The following HHIPL2 variants were observed in gnomAD, a reference collection of about 807,000 sequenced individuals.
HHIPL2 encodes HHIP like 2, also known as HHIP-like protein 2.
HHIPL2 carries 61 observed loss-of-function variants against 61.0 expected under a neutral mutation model. The observed-to-expected ratio is 1.00, with a 90% CI of 0.81 to 1.24. The LOEUF (loss-of-function observed/expected upper bound fraction) is 1.24. Ranked by LOEUF, HHIPL2 falls within the 50% of genes most tolerant of loss-of-function variation. HHIPL2 has a pLI of 0.00. For synonymous variants in HHIPL2, 343 were observed against 357.4 expected, an observed-to-expected ratio of 0.96 and a Z score of 0.45; for missense variants, 885 against 910.2, an observed-to-expected ratio of 0.97 and a Z score of 0.36.
intron 1 of HHIPL2, among the ~76,000 whole-genome samples, chr1:222,544,548 G>A (rs1659516339): frequency 6.6e-6 from 1 of 151,650 alleles, no homozygotes; most frequent in Non-Finnish European, 1.5e-5. Flanking sequence ...ATTTTTCATA[G>A]AAACGGCCTC....
chr1:222,533,391 A>G (rs1377470359), intron 5 of HHIPL2, among the ~76,000 whole-genome samples: 1 of 151,666 alleles, frequency 6.6e-6, no homozygotes, highest in Non-Finnish European at 1.5e-5. Flanking sequence ...AAAAGAAAAG[A>G]AAAGGAAAAA....
intron 5 of HHIPL2, among the ~76,000 whole-genome samples, chr1:222,534,418 A>C (rs1190390363): frequency 2.0e-5 from 3 of 152,142 alleles, no homozygotes; most frequent in Non-Finnish European, 2.9e-5. Context: ...CTCTACTAAA[A>C]ATACAAAAAT....
intron 6 of HHIPL2, among the ~76,000 whole-genome samples, 179 bp downstream of exon 6, chr1:222,531,787 T>C (rs139403273): frequency 5.9e-5 from 9 of 152,234 alleles, no homozygotes; most frequent in Non-Finnish European, 1.2e-4. Context: ...GTTATGATTA[T>C]GAAATAAGGT....
intron 2 of HHIPL2, 41 bp downstream of exon 2, chr1:222,543,496 G>T: frequency 6.5e-7 from 1 of 1,548,660 alleles, no homozygotes; most frequent in South Asian, 1.2e-5. Flanking sequence ...GCATTATTTC[G>T]GAACACAGTA....
rs1353242847 is a variant in HHIPL2 at position 222,543,871 on chromosome 1, T to C, written c.640A>G (p.Asn214Asp). Residue 214 changes from asparagine to aspartate, a missense_variant, in exon 2 of 9, where the codon AAC (asparagine) becomes GAC (aspartate). Coordinates refer to ENST00000343410, the MANE Select transcript of HHIPL2 (RefSeq NM_024746.4). ...CLQLCLSEVA[N>D]GLRNPVSMVH... Reference sequence around the variant, plus strand: ...ATGGAGACGGGGTTCCTCAGCCCGTTGGCCACCTCGCTCAGGCAGAGCTGC... The same window carrying C: ...ATGGAGACGGGGTTCCTCAGCCCGTCGGCCACCTCGCTCAGGCAGAGCTGC... 5 of 1,614,050 alleles carry C rather than the reference T, an allele frequency of 3.1e-6. No individual in the cohort carries two copies. In the Admixed American group the frequency reaches 8.3e-5, roughly 27 times the overall value.
chr1:222,527,147 C>A, intron 6 of HHIPL2, 97 bp from the exon 7 acceptor site: 1 of 917,902 alleles, frequency 1.1e-6, no homozygotes, highest in Non-Finnish European at 1.7e-6. Context: ...AGGTTATGGC[C>A]CTAAAATGCA....
rs1659589334 is a variant in HHIPL2 at position 222,547,869 on chromosome 1, T to G, written c.176A>C (p.Glu59Ala). Residue 59 changes from glutamate (E) to alanine (A), a missense_variant, in exon 1 of 9, where the codon GAG becomes GCG. Coordinates refer to ENST00000343410, the MANE Select transcript of HHIPL2 (RefSeq NM_024746.4). ...GPPFQPPLHL[E>A]FCSDYESFGC... is the part of the protein sequence containing the mutation. ...GAAGGACTCATAGTCAGAGCAAAAC[T>G]CAAGGTGCAGAGGGGGCTGGAAAGG... 6.2e-7 allele frequency: 1 copy of G among 1,613,946 alleles called. No individual in the cohort carries two copies. Among genetic ancestry groups the G allele is most frequent in the East Asian group, 2.2e-5 (1 of 44,860 alleles).
intron 7 of HHIPL2, 134 bp downstream of exon 7, chr1:222,526,835 C>G: frequency 3.0e-6 from 2 of 666,754 alleles, no homozygotes; most frequent in South Asian, 1.9e-5. Context: ...TTGTCCTATG[C>G]CATTATTTGT....
At chr1:222,534,483 A>C (rs1461849391) in intron 5 of HHIPL2, among the ~76,000 whole-genome samples, 1 of 151,684 alleles carries the variant, frequency 6.6e-6, no homozygotes, top group East Asian at 1.9e-4. Flanking sequence ...AGGCTGAGGC[A>C]GGAGAAGGGC....
In HHIPL2 at chr1:222,540,289, G is replaced by C. The variant is rs3748666; in HGVS notation, c.1171C>G (p.His391Asp). 0.31 allele frequency: 497,124 copies of C among 1,613,850 alleles called. 81,119 individuals carry two copies. The highest frequency in any genetic ancestry group is 0.54 in the East Asian group (24,356 of 44,852). The stretch of plus-strand genomic sequence containing the variant: ...GAGGGGACTCGGTACCGCTTGCCAT[G>C]TGAGCCTGCCCTGTTCACATCGATC... Reference protein sequence around the residue: ...LRIDVNRAGSHGKRYRVPSDN... With the variant: ...LRIDVNRAGSDGKRYRVPSDN... The change falls in exon 4 of 9, where the codon CAT becomes GAT. Residue 391 changes from histidine to aspartate, a missense_variant. His to Asp is a moderately conservative substitution (Grantham distance 81). Coordinates refer to ENST00000343410, the MANE Select transcript of HHIPL2 (RefSeq NM_024746.4).
rs1189393751 is a variant in HHIPL2, at chr1:222,543,939, T to C, written c.572A>G (p.Asn191Ser). 6.2e-7 allele frequency: 1 copy of C among 1,613,828 alleles called. No individual in the cohort carries two copies. Among genetic ancestry groups the C allele is most frequent in the Non-Finnish European group, 8.5e-7 (1 of 1,179,978 alleles). ...FPNVLRNDYL[N>S]RHLGMVAQDP... ...TTGGGCCACCATGCCCAGGTGGCGG[T>C]TGAGATAGTCGTTCCTCAGGACATT... The change falls in exon 2 of 9, where the codon AAC (asparagine) becomes AGC (serine). Residue 191 changes from asparagine (N) to serine (S), a missense_variant. Asn to Ser is a conservative substitution (Grantham distance 46). Transcript: ENST00000343410.
intron 1 of HHIPL2, among the ~76,000 whole-genome samples, chr1:222,546,921 C>T (rs1394257230): frequency 6.6e-6 from 1 of 152,178 alleles, no homozygotes; most frequent in Non-Finnish European, 1.5e-5. Context: ...AAAAGGCTGC[C>T]TGGACTTCTT....
chr1:222,539,568 AAAAAG>A (rs1264305058), intron 4 of HHIPL2, among the ~76,000 whole-genome samples: 1 of 151,738 alleles, frequency 6.6e-6, no homozygotes, highest in Non-Finnish European at 1.5e-5. Flanking sequence ...GAAAAGAAAA[AAAAAG>A]AAAAGAAAGT....
At chr1:222,537,631 C>CAA (rs755361476) in intron 5 of HHIPL2, among the ~76,000 whole-genome samples, 13 of 80,608 alleles carry the variant, frequency 1.6e-4, no homozygotes, top group African/African-American at 5.2e-4. Context: ...GACTCCATCT[C>CAA]AAAAAAAAAA....
At chr1:222,543,506 A>G in intron 2 of HHIPL2, 31 bp downstream of exon 2, 7 of 1,581,592 alleles carry the variant, frequency 4.4e-6, no homozygotes, top group Non-Finnish European at 6.0e-6. Context: ...GGAACACAGT[A>G]CAGCTGTAGG....
intron 7 of HHIPL2, among the ~76,000 whole-genome samples, chr1:222,526,684 A>C (rs1218840284): frequency 6.8e-6 from 1 of 146,944 alleles, no homozygotes; most frequent in Admixed American, 6.9e-5. Flanking sequence ...CAGCCTGGGC[A>C]ACAAGAGTGA....
At chr1:222,531,897 G>T (rs774280362) in intron 6 of HHIPL2, 69 bp downstream of exon 6, 7 of 1,395,464 alleles carry the variant, frequency 5.0e-6, no homozygotes, top group African/African-American at 2.9e-5. Context: ...TAAAATAAAC[G>T]TTCAGTTGAT....
At chr1:222,525,459 C>T (rs1199030678) in intron 7 of HHIPL2, among the ~76,000 whole-genome samples, 1 of 152,092 alleles carries the variant, frequency 6.6e-6, no homozygotes, top group African/African-American at 2.4e-5. Flanking sequence ...GCCTCAGGGA[C>T]GGAGCCTCTT....
chr1:222,536,592 C>T (rs1403560741), intron 5 of HHIPL2, among the ~76,000 whole-genome samples: 2 of 152,216 alleles, frequency 1.3e-5, no homozygotes, highest in African/African-American at 4.8e-5. Flanking sequence ...TACACAAACT[C>T]TTCCAGATAA....
Sources: gnomAD v4.1 joint callset for allele counts (sites outside exome capture counted in the v4.1 genomes callset) on GRCh38, gnomAD v4.1.1 for gene constraint, MANE v1.5 for transcripts, NCBI Gene and HGNC (gene_info 2026-07-23, HGNC 2026-07-21) for gene names.